The following ELL2 variants were observed in gnomAD, a reference collection of about 807,000 sequenced individuals.
The protein encoded by ELL2 is RNA polymerase II elongation factor ELL2.
In ELL2, 21 loss-of-function variants were observed where a neutral mutation model predicts 72.8. The ratio of observed to expected loss-of-function variants is 0.29; its 90% CI spans 0.20 to 0.42. The LOEUF (loss-of-function observed/expected upper bound fraction) is 0.42. Ranked by LOEUF, ELL2 falls within the 10% of genes least tolerant of loss-of-function variation. The pLI, the probability that ELL2 is intolerant of heterozygous loss-of-function variation, is 1.00. For missense variants in ELL2, 568 were observed against 772.8 expected (o/e 0.73, Z 3.14); for synonymous variants, 266 against 283.2 (o/e 0.94, Z 0.61).
intron 1 of ELL2, 33 bp downstream of exon 1, chr5:95,961,542 C>T (rs1040649951): frequency 6.5e-7 from 1 of 1,544,188 alleles, no homozygotes; most frequent in African/African-American, 1.4e-5. Context: ...CGCTCTGCCT[C>T]TCTGAGCCCA....
intron 3 of ELL2, among the ~76,000 whole-genome samples, chr5:95,916,045 T>G (rs1749781432): frequency 6.6e-6 from 1 of 151,596 alleles, no homozygotes; most frequent in African/African-American, 2.4e-5. Context: ...CCACTTAGGA[T>G]GCTACTGAAG....
At chr5:95,936,478 G>A (rs1049277919) in intron 2 of ELL2, among the ~76,000 whole-genome samples, 3 of 152,156 alleles carry the variant, frequency 2.0e-5, no homozygotes, top group Non-Finnish European at 2.9e-5. Flanking sequence ...TCTCCAAGGT[G>A]AAACCTAACT....
intron 9 of ELL2, among the ~76,000 whole-genome samples, chr5:95,891,660 T>C (rs751373834): frequency 1.1e-4 from 16 of 152,254 alleles, no homozygotes; most frequent in Non-Finnish European, 2.4e-4. Flanking sequence ...AAGGACTCAA[T>C]GGGTAATGTG....
At chr5:95,914,878 G>C (rs563125402) in intron 3 of ELL2, among the ~76,000 whole-genome samples, 1 of 152,190 alleles carries the variant, frequency 6.6e-6, no homozygotes, top group Non-Finnish European at 1.5e-5. Context: ...ACTTTTTATT[G>C]AAATAATCAT....
At chr5:95,913,547 C>G in intron 4 of ELL2, 1 of 406,182 alleles carries the variant, frequency 2.5e-6, no homozygotes, top group Admixed American at 4.5e-5. Context: ...AAGTAGCCAA[C>G]GAAGATTCAG....
chr5:95,920,004 T>TA (rs557132307), intron 2 of ELL2, among the ~76,000 whole-genome samples: 1 of 152,096 alleles, frequency 6.6e-6, no homozygotes, highest in Admixed American at 6.5e-5. Flanking sequence ...GCTCTTATAA[T>TA]AAAAAAACAC....
chr5:95,888,788 CT>C lies in ELL2; in HGVS notation c.*82del. The stretch of plus-strand genomic sequence containing the variant: ...AAACTTTCAACAGCCAAAGTTTCAC[CT>C]TTTTAGAATCTAGAGCAACTCATTT... On this transcript the variant is annotated 3_prime_UTR_variant, in exon 12 of 12. Transcript: ENST00000237853. 1 of 986,196 alleles carries C rather than the reference CT, an allele frequency of 1.0e-6. No individual in the cohort carries two copies. The highest frequency in any genetic ancestry group is 1.4e-6 in the Non-Finnish European group (1 of 691,984). 61.1% of individuals were successfully genotyped at this position (986,196 alleles called of 1,614,324 possible).
At position 95,898,617 on chromosome 5, in the gene ELL2, A is replaced by T. The variant is rs772279197; in HGVS notation, c.1148T>A (p.Leu383Gln). The T allele has an allele frequency of 1.2e-6, 2 of 1,613,554 alleles. No homozygotes were observed. The highest frequency in any genetic ancestry group is 2.2e-5 in the South Asian group (2 of 91,026). ...AATCTGAGGAGGATGTGAGATGGGC[A>T]GATAGGTTGAAGGCAGCGGTGGAGG... ...PTPPPLPSTY[L>Q]PISHPPQIVN... is the part of the protein sequence containing the mutation. Residue 383 changes from leucine (L) to glutamine (Q), a missense_variant, in exon 8 of 12, where the codon CTG becomes CAG. Leu to Gln is a moderately radical substitution (Grantham distance 113). Coordinates refer to ENST00000237853, the MANE Select transcript of ELL2 (RefSeq NM_012081.6).
chr5:95,916,598 GAGGTC>G (rs1749811236), intron 3 of ELL2, among the ~76,000 whole-genome samples: 1 of 152,208 alleles, frequency 6.6e-6, no homozygotes, highest in South Asian at 2.1e-4. Flanking sequence ...TGGGGGCAGG[GAGGTC>G]ACAGCTCCCT....
rs1335804286 is a variant in ELL2, at chr5:95,913,811, G to A, written c.441C>T (p.Asn147=). 6.2e-7 allele frequency: 1 copy of A among 1,612,390 alleles called. No homozygotes were observed. ...RMTQAEEESR[N]RSTKVIKPGG... is the part of the protein sequence containing the mutation. ...CGGGTTTGATAACTTTTGTGCTTCGGTTGCGGGATTCCTCCTCTGCCTGGG... is the reference window on the plus strand; with the variant it reads ...CGGGTTTGATAACTTTTGTGCTTCGATTGCGGGATTCCTCCTCTGCCTGGG... The change falls in exon 4 of 12, where the codon AAC becomes AAT. Residue 147 remains asparagine (N), a synonymous_variant. Transcript: ENST00000237853.
Position 95,901,080 on chromosome 5 carries a change from C to T in ELL2, c.742G>A (p.Val248Ile), listed in dbSNP as rs765865708. 1 of 1,599,080 alleles carries T rather than the reference C, an allele frequency of 6.3e-7. No homozygotes were observed. Among genetic ancestry groups the T allele is most frequent in the South Asian group, 1.1e-5 (1 of 87,504 alleles). ...AGGTCCTTAGAATTCAGATTGGCTA[C>T]CTAGTATGAGGTATAAAAACAGAGC... ...KNSLGAILQQ[V>I]ANLNSKDLSY... Residue 248 changes from valine (V) to isoleucine (I), a missense_variant and splice_region_variant, in exon 6 of 12, where the codon GTA becomes ATA. This residue lies in a region of ELL2 where 511 missense variants were observed against 728.4 expected (regional missense o/e 0.70). Coordinates refer to ENST00000237853, the MANE Select transcript of ELL2 (RefSeq NM_012081.6).
Position 95,895,653 on chromosome 5 carries a change from C to T in ELL2, c.1564G>A (p.Ala522Thr), listed in dbSNP as rs2112271855. The T allele has an allele frequency of 6.2e-7, 1 of 1,614,072 alleles. No individual in the cohort carries two copies. The highest frequency in any genetic ancestry group is 8.5e-7 in the Non-Finnish European group (1 of 1,180,000). ...EDCTASMEPS[A>T]IELPDYLIKY... is the part of the protein sequence containing the mutation. ...ATCAAATAATCTGGGAGTTCAATTGCTGAAGGTTCCATGGAGGCAGTGCAA... is the reference window on the plus strand; with the variant it reads ...ATCAAATAATCTGGGAGTTCAATTGTTGAAGGTTCCATGGAGGCAGTGCAA... The change falls in exon 9 of 12, where the codon GCA becomes ACA. Residue 522 changes from alanine (A) to threonine (T), a missense_variant. By Grantham distance (58) the Ala-to-Thr change is moderately conservative (BLOSUM62 0). This residue lies in a region of ELL2 where 511 missense variants were observed against 728.4 expected (regional missense o/e 0.70). Transcript: ENST00000237853.
At chr5:95,890,145 G>T (rs1187886320) in intron 10 of ELL2, among the ~76,000 whole-genome samples, 3 of 151,982 alleles carry the variant, frequency 2.0e-5, no homozygotes, top group Non-Finnish European at 2.9e-5. Context: ...ATTGATAAAT[G>T]ACTATATAGA....
chr5:95,914,058 T>C (rs1369714656), intron 3 of ELL2, 124 bp from the exon 4 acceptor site: 3 of 773,152 alleles, frequency 3.9e-6, no homozygotes, highest in Middle Eastern at 2.8e-4. Context: ...ATAACTAATA[T>C]TAATTTTTAA....
intron 4 of ELL2, among the ~76,000 whole-genome samples, chr5:95,913,172 T>G (rs1174965322): frequency 6.6e-6 from 1 of 152,008 alleles, no homozygotes; most frequent in Non-Finnish European, 1.5e-5. Context: ...ATGATGGGGG[T>G]CGGATAGGGT....
Position 95,927,776 on chromosome 5 carries a change from T to C in ELL2, c.196-8231A>G, listed in dbSNP as rs1282104188. Among the ~76,000 whole-genome samples the C allele has an allele frequency of 1.0e-4, 6 of 60,202 alleles. 1 individual carries two copies. Among genetic ancestry groups the C allele is most frequent in the African/African-American group, 2.5e-4 (2 of 7,936 alleles). 39.5% of individuals were successfully genotyped at this position (60,202 alleles called of 152,430 possible). ...GTGTATATAGACATACACACACACA[T>C]ATGTGTGTATATAGACATACACACA... is the stretch of plus-strand genomic sequence containing the variant. On this transcript the variant is annotated intron_variant, in intron 2 of 11. Coordinates refer to ENST00000237853, the MANE Select transcript of ELL2 (RefSeq NM_012081.6).
intron 2 of ELL2, among the ~76,000 whole-genome samples, chr5:95,927,736 C>T (rs200897431): frequency 9.6e-5 from 5 of 52,116 alleles, no homozygotes; most frequent in Middle Eastern, 7.1e-3. Context: ...TATAGACATA[C>T]ACACACACAT....
At chr5:95,892,285 TACAGGTAC>T (rs1190318880) in intron 9 of ELL2, among the ~76,000 whole-genome samples, 1 of 152,140 alleles carries the variant, frequency 6.6e-6, no homozygotes, top group African/African-American at 2.4e-5. Context: ...TAGCTGAGAT[TACAGGTAC>T]ATGCCACCAT....
intron 5 of ELL2, among the ~76,000 whole-genome samples, chr5:95,903,284 T>A (rs990439440): frequency 7.1e-6 from 1 of 140,178 alleles, no homozygotes; most frequent in Admixed American, 7.7e-5. Flanking sequence ...AGTGGCATGA[T>A]CTCAGCTCAC....
Sources: allele counts gnomAD v4.1 joint callset (sites outside exome capture counted in the v4.1 genomes callset), GRCh38; gene constraint gnomAD v4.1.1; regional missense constraint gnomAD v4.1.1; transcripts MANE v1.5; gene names NCBI Gene and HGNC (gene_info 2026-07-23, HGNC 2026-07-21).